MGST1: variants seen among roughly 807,000 people sequenced by gnomAD.
The protein encoded by MGST1 is microsomal glutathione S-transferase 1.
MGST1 carries 5 observed loss-of-function variants against 8.9 expected under a neutral mutation model. The observed-to-expected ratio is 0.56, with a 90% CI of 0.29 to 1.19. The LOEUF is 1.19. Among genes scored for constraint, MGST1 ranks in the 50% most tolerant of loss-of-function variants. MGST1 has a pLI of 0.08. For missense variants in MGST1, 182 were observed against 187.4 expected (o/e 0.97, Z 0.17); for synonymous variants, 54 against 67.8 (o/e 0.80, Z 1.00).
intron 4 of MGST1, among the ~76,000 whole-genome samples, chr12:16,479,087 A>T (rs1941345824): frequency 6.6e-6 from 1 of 151,924 alleles, no homozygotes; most frequent in African/African-American, 2.4e-5. Flanking sequence ...CTCACTTAGC[A>T]TGTTTTTGAG....
At chr12:16,509,282 T>C (rs1941561408) in intron 4 of MGST1, among the ~76,000 whole-genome samples, 1 of 152,170 alleles carries the variant, frequency 6.6e-6, no homozygotes, top group Non-Finnish European at 1.5e-5. Flanking sequence ...AGAAGTGCTA[T>C]GAATATACAA....
At chr12:16,571,057 A>T (rs1942797859) in intron 4 of MGST1, among the ~76,000 whole-genome samples, 2 of 152,100 alleles carry the variant, frequency 1.3e-5, no homozygotes, top group Non-Finnish European at 2.9e-5. Flanking sequence ...AAAAAAATCT[A>T]TTATCTACAG....
chr12:16,471,860 G>A (rs1466094373), intron 4 of MGST1, among the ~76,000 whole-genome samples: 3 of 152,014 alleles, frequency 2.0e-5, no homozygotes, highest in Admixed American at 6.6e-5. Context: ...TGTCTCTGAA[G>A]TTATAGGTGG....
At chr12:16,350,870 C>T (rs1047467284) in intron 1 of MGST1, 3 of 152,198 alleles carry the variant, frequency 2.0e-5, no homozygotes, top group Non-Finnish European at 2.9e-5. Context: ...CCACATTCTT[C>T]GTGATTGAGA....
downstream of MGST1, among the ~76,000 whole-genome samples, chr12:16,366,616 C>T (rs1213772854): frequency 7.2e-6 from 1 of 138,704 alleles, no homozygotes; most frequent in Non-Finnish European, 1.5e-5. This position sits in a 1 kb window ranked among gnomAD's most constrained non-coding sequence, Gnocchi z 4.0. Flanking sequence ...TATCTGCATG[C>T]ATATCTGTGT....
rs74063784 is a variant in MGST1, at chr12:16,423,256, G to A, written n.779-14132G>A. On this transcript the variant is annotated intron_variant and non_coding_transcript_variant, in intron 1 of 1. Coordinates refer to the MGST1 transcript ENST00000359720. Reference sequence around the variant, plus strand: ...ACATCTGATCCTCATGTTGGCCCACGTCCTCAACTATTAATGTCAACTCAG... The same window carrying A: ...ACATCTGATCCTCATGTTGGCCCACATCCTCAACTATTAATGTCAACTCAG... 3.5e-3 allele frequency among the ~76,000 whole-genome samples: 537 copies of A among 152,144 alleles called. 3 individuals carry two copies. The highest frequency in any genetic ancestry group is 0.012 in the African/African-American group (500 of 41,498).
intron 4 of MGST1, among the ~76,000 whole-genome samples, chr12:16,478,919 G>A (rs1049425178): frequency 1.3e-5 from 2 of 151,904 alleles, no homozygotes; most frequent in African/African-American, 2.4e-5. Flanking sequence ...AAACATTTCC[G>A]TTGTTCCAAA....
intron 1 of MGST1, among the ~76,000 whole-genome samples, chr12:16,431,814 T>G (rs1272657118): frequency 6.6e-6 from 1 of 152,120 alleles, no homozygotes; most frequent in Non-Finnish European, 1.5e-5. Flanking sequence ...AACATCCAAG[T>G]TGTAAAACAG....
intron 4 of MGST1, among the ~76,000 whole-genome samples, chr12:16,527,984 C>T (rs1840487004): frequency 6.6e-6 from 1 of 151,916 alleles, no homozygotes; most frequent in African/African-American, 2.4e-5. Context: ...TTTGCAGAGC[C>T]AGGCAATATG....
intron 4 of MGST1, among the ~76,000 whole-genome samples, chr12:16,478,140 C>T (rs1302922188): frequency 6.6e-6 from 1 of 152,216 alleles, no homozygotes; most frequent in Admixed American, 6.5e-5. Flanking sequence ...AGTAATTCTT[C>T]TGCCTCAGCC....
chr12:16,420,546 T>C (rs1940826278), intron 1 of MGST1, among the ~76,000 whole-genome samples: 1 of 152,192 alleles, frequency 6.6e-6, no homozygotes, highest in African/African-American at 2.4e-5. Flanking sequence ...ACACCTGTGA[T>C]GGAGTGAAGG....
At chr12:16,402,124 C>G in intron 1 of MGST1, 1 of 1,512,610 alleles carries the variant, frequency 6.6e-7, no homozygotes, top group Non-Finnish European at 9.2e-7. Context: ...ATGGCAGGGG[C>G]TCCATTAGCA....
downstream of MGST1, among the ~76,000 whole-genome samples, chr12:16,591,309 T>A (rs1319869351): frequency 6.6e-6 from 1 of 151,984 alleles, no homozygotes; most frequent in Non-Finnish European, 1.5e-5. This position sits in a 1 kb window ranked among gnomAD's most constrained non-coding sequence, Gnocchi z 4.1. Flanking sequence ...CCATACGTGA[T>A]CATGGCTAGC....
chr12:16,459,121 A>G (rs1337961842), intron 4 of MGST1, among the ~76,000 whole-genome samples: 1 of 152,078 alleles, frequency 6.6e-6, no homozygotes, highest in African/African-American at 2.4e-5. Context: ...CAATTAAAGA[A>G]ATTATTCTGT....
Position 16,482,089 on chromosome 12 carries a change from G to A in MGST1, n.482+98485G>A, listed in dbSNP as rs889728968. On this transcript the variant is annotated intron_variant and non_coding_transcript_variant, in intron 4 of 4. Coordinates refer to the MGST1 transcript ENST00000538857. The surrounding 1 kb of genome is among the most constrained non-coding windows in gnomAD (Gnocchi z 4.2). ...ACATTGAGGTGCTGAAAATATAATAGTCAACATAAAATTGTATTCTAGCTA... is the reference window on the plus strand; with the variant it reads ...ACATTGAGGTGCTGAAAATATAATAATCAACATAAAATTGTATTCTAGCTA... Among the ~76,000 whole-genome samples the A allele has an allele frequency of 6.6e-6, 1 of 152,068 alleles. No individual in the cohort carries two copies. Among genetic ancestry groups the A allele is most frequent in the Non-Finnish European group, 1.5e-5 (1 of 68,028 alleles).
rs533987617 is a variant in MGST1, at chr12:16,587,599, A to G, written n.483-1929A>G. On this transcript the variant is annotated intron_variant and non_coding_transcript_variant, in intron 4 of 4. Coordinates refer to the MGST1 transcript ENST00000538857. The surrounding 1 kb of genome is among the most constrained non-coding windows in gnomAD (Gnocchi z 4.3). ...TTGGTGTTAAATTTTCTTAAATTGTATTTCTGTCAGTGTATCATTTTTTTA... is the reference window on the plus strand; with the variant it reads ...TTGGTGTTAAATTTTCTTAAATTGTGTTTCTGTCAGTGTATCATTTTTTTA... 6.6e-5 allele frequency among the ~76,000 whole-genome samples: 10 copies of G among 152,120 alleles called. No homozygotes were observed. The South Asian group carries it at 1.5e-3, about 22-fold the overall frequency.
intron 4 of MGST1, among the ~76,000 whole-genome samples, chr12:16,541,018 T>C (rs1941790030): frequency 6.6e-6 from 1 of 152,204 alleles, no homozygotes; most frequent in Non-Finnish European, 1.5e-5. Flanking sequence ...AAATTTGTTA[T>C]GCATATTTTA....
At chr12:16,514,222 G>A (rs1366993233) in intron 4 of MGST1, 1 of 306,238 alleles carries the variant, frequency 3.3e-6, no homozygotes, top group Non-Finnish European at 6.4e-6. Flanking sequence ...CAAGAACATG[G>A]TCTTACACAG....
chr12:16,490,709 G>A (rs1378930723), intron 4 of MGST1, among the ~76,000 whole-genome samples: 1 of 152,094 alleles, frequency 6.6e-6, no homozygotes, highest in Non-Finnish European at 1.5e-5. Flanking sequence ...AGAAAGCAAA[G>A]CTTAGGAAGG....
Sources: allele counts gnomAD v4.1 joint callset (sites outside exome capture counted in the v4.1 genomes callset), GRCh38; gene constraint gnomAD v4.1.1; non-coding constraint Gnocchi (gnomAD v3.1); transcripts MANE v1.5; gene names NCBI Gene and HGNC (gene_info 2026-07-23, HGNC 2026-07-21).